Variants in ARFGAP1 observed in about 807,000 individuals in gnomAD.
ARFGAP1 encodes the protein ADP-ribosylation factor GTPase-activating protein 1.
Under a neutral mutation model 54.0 loss-of-function variants are expected in ARFGAP1, and 26 were observed. The observed-to-expected ratio is 0.48, with a 90% confidence interval of 0.35 to 0.67. The LOEUF is 0.67. Ranked by LOEUF, ARFGAP1 falls within the 30% of genes least tolerant of loss-of-function variation. The pLI, the probability that ARFGAP1 is intolerant of heterozygous loss-of-function variation, is 0.00. For synonymous variants in ARFGAP1, 248 were observed against 211.9 expected (o/e 1.17, Z -1.48); for missense variants, 525 against 535.8 (o/e 0.98, Z 0.20).
At chr20:63,283,201 T>C in intron 9 of ARFGAP1, 1 of 412,192 alleles carries the variant, frequency 2.4e-6, no homozygotes, top group Non-Finnish European at 4.4e-6. Context: ...GCCGCTGTGG[T>C]TGGTGCTGTG....
intron 6 of ARFGAP1, among the ~76,000 whole-genome samples, 172 bp from the exon 7 acceptor site, chr20:63,278,727 G>A (rs976371824): frequency 1.4e-5 from 2 of 139,160 alleles, no homozygotes; most frequent in African/African-American, 4.9e-5. Flanking sequence ...CTTTTTAAAT[G>A]ATCAGAAAGC....
At position 63,281,141 on chromosome 20, in the gene ARFGAP1, A is replaced by C; in HGVS notation, c.628-150A>C. 4.1e-6 allele frequency: 3 copies of C among 738,704 alleles called. No individual in the cohort carries two copies. The South Asian group carries it at 5.5e-5, about 13-fold the overall frequency. The allele number at this position is 738,704 out of a possible 1,614,324, so 45.8% of individuals were successfully genotyped here. ...CTGGGTCCAGTTGCACTCCTCCAGC[A>C]GCCTGGAGAAGCAGGCGCGGTGGGG... is the stretch of plus-strand genomic sequence containing the variant. On this transcript the variant is annotated intron_variant, in intron 7 of 12. Coordinates refer to ENST00000370283, the MANE Select transcript of ARFGAP1 (RefSeq NM_018209.4).
chr20:63,277,201 T>A lies in ARFGAP1; in HGVS notation c.343-4T>A. ...CTCTCGAATGCCCTGTGTCTCCTTG[T>A]CAGGTGGTCGCTCTGGCCGAAGGCA... On this transcript the variant is annotated splice_polypyrimidine_tract_variant and splice_region_variant and intron_variant, in intron 4 of 12. Transcript: ENST00000370283. The A allele has an allele frequency of 6.2e-7, 1 of 1,611,306 alleles. No individual in the cohort carries two copies. Among genetic ancestry groups the A allele is most frequent in the Non-Finnish European group, 8.5e-7 (1 of 1,179,518 alleles).
chr20:63,282,329 A>G lies in ARFGAP1; in HGVS notation c.685-490A>G, dbSNP rs145907885. Among the ~76,000 whole-genome samples, 864 of 152,356 alleles carry G rather than the reference A, an allele frequency of 5.7e-3. 7 individuals carry two copies. The highest frequency in any genetic ancestry group is 0.014 in the Middle Eastern group (4 of 294). On this transcript the variant is annotated intron_variant, in intron 8 of 12. Transcript: ENST00000370283. The stretch of plus-strand genomic sequence containing the variant: ...GGGGAGGCCCAGGTACCTTCCAGCC[A>G]GAGTGTCACGACCGGGCCTTTTCTC...
At chr20:63,284,254 G>A (rs1283571314) in intron 9 of ARFGAP1, 3 of 1,161,536 alleles carry the variant, frequency 2.6e-6, no homozygotes, top group Non-Finnish European at 3.2e-6. Flanking sequence ...CTTGAACGCA[G>A]TGCAAAGGGG....
chr20:63,288,074 G>T lies in ARFGAP1; in HGVS notation c.*201G>T. Reference sequence around the variant, plus strand: ...CTTCGGTGCGTGGGGGCGGCTTGCTGTCCAGCCTGTGTGGGGGCCGTCCCG... The same window carrying T: ...CTTCGGTGCGTGGGGGCGGCTTGCTTTCCAGCCTGTGTGGGGGCCGTCCCG... On this transcript the variant is annotated 3_prime_UTR_variant, in exon 13 of 13. Coordinates refer to ENST00000370283, the MANE Select transcript of ARFGAP1 (RefSeq NM_018209.4). 1.5e-6 allele frequency: 1 copy of T among 654,094 alleles called. No homozygotes were observed. The highest frequency in any genetic ancestry group is 2.6e-6 in the Non-Finnish European group (1 of 385,654). 40.5% of individuals were successfully genotyped at this position (654,094 alleles called of 1,614,324 possible). A position where few individuals can be genotyped will look rare whatever the true frequency, so the allele number is the denominator to read the frequency against.
Position 63,278,908 on chromosome 20 carries a change from G to A in ARFGAP1, c.540G>A (p.Gly180=), listed in dbSNP as rs758164510. ...DDLGSYQGAQ[G]NRYVGFGNTP... ...TCCGCTTTGTTTTCAGGGCCCAGGG[G>A]AATCGCTACGTGGGGTTTGGGAACA... is the stretch of plus-strand genomic sequence containing the variant. The change falls in exon 7 of 13, where the codon GGG becomes GGA. Residue 180 remains glycine, a synonymous_variant. Coordinates refer to ENST00000370283, the MANE Select transcript of ARFGAP1 (RefSeq NM_018209.4). 2 of 1,614,028 alleles carry A rather than the reference G, an allele frequency of 1.2e-6. No homozygotes were observed. The highest frequency in any genetic ancestry group is 2.2e-5 in the East Asian group (1 of 44,898).
At chr20:63,283,329 T>C (rs1490094746) in intron 9 of ARFGAP1, 2 of 196,474 alleles carry the variant, frequency 1.0e-5, no homozygotes, top group Admixed American at 1.1e-4. Flanking sequence ...TTTTATTCTT[T>C]AGGATGTGGG....
At chr20:63,274,779 A>G (rs1196842126) in intron 1 of ARFGAP1, among the ~76,000 whole-genome samples, 2 of 152,112 alleles carry the variant, frequency 1.3e-5, no homozygotes, top group African/African-American at 2.4e-5. Flanking sequence ...AATCTTAACT[A>G]TATCAATTTT....
rs375368552 is a variant in ARFGAP1, at chr20:63,286,337, G to C, written c.835-29G>C. On this transcript the variant is annotated intron_variant, in intron 11 of 12. Transcript: ENST00000370283. ...AGCTGCCTGTGCCGCGACAGGGCCT[G>C]CCTAACCTCTCTTCCCGTCTCCTTC... is the stretch of plus-strand genomic sequence containing the variant. The C allele has an allele frequency of 3.1e-6, 5 of 1,611,570 alleles. No individual in the cohort carries two copies. In the African/African-American group the frequency reaches 6.7e-5, roughly 22 times the overall value.
At chr20:63,279,571 C>T (rs1040292649) in intron 7 of ARFGAP1, among the ~76,000 whole-genome samples, 2 of 152,146 alleles carry the variant, frequency 1.3e-5, no homozygotes, top group Admixed American at 6.5e-5. Flanking sequence ...TCCAAGGAAC[C>T]CAAGGACTCT....
chr20:63,283,021 C>A, intron 9 of ARFGAP1, 170 bp downstream of exon 9: 1 of 721,246 alleles, frequency 1.4e-6, no homozygotes, highest in Non-Finnish European at 2.3e-6. Flanking sequence ...CCTCCTCATG[C>A]CCGGGTGGCT....
At chr20:63,286,147 A>T (rs533273847) in intron 11 of ARFGAP1, 1 of 1,550,238 alleles carries the variant, frequency 6.5e-7, no homozygotes, top group African/African-American at 1.4e-5. Flanking sequence ...AGGTCTGTGC[A>T]CGAGGCTGTC....
chr20:63,276,871 G>A lies in ARFGAP1; in HGVS notation c.342+220G>A. 1 of 574,500 alleles carries A rather than the reference G, an allele frequency of 1.7e-6. No homozygotes were observed. The highest frequency in any genetic ancestry group is 3.0e-6 in the Non-Finnish European group (1 of 328,832). The allele number at this position is 574,500 out of a possible 1,614,324, so 35.6% of individuals were successfully genotyped here. On this transcript the variant is annotated intron_variant, in intron 4 of 12. Coordinates refer to ENST00000370283, the MANE Select transcript of ARFGAP1 (RefSeq NM_018209.4). The surrounding 1 kb of genome is among the most constrained non-coding windows in gnomAD (Gnocchi z 5.2). The stretch of plus-strand genomic sequence containing the variant: ...AGACAGACCTTCCCCGCCTCCAGGG[G>A]AGAAAGCAGCTGTGACCGTTTATTG...
intron 8 of ARFGAP1, among the ~76,000 whole-genome samples, chr20:63,282,143 C>T (rs1010928700): frequency 6.6e-6 from 1 of 152,164 alleles, no homozygotes; most frequent in African/African-American, 2.4e-5. Flanking sequence ...ACTCTGGCCC[C>T]GTGTCTTCCC....
chr20:63,285,867 C>T (rs1467283266), intron 11 of ARFGAP1, 154 bp downstream of exon 11: 2 of 1,430,040 alleles, frequency 1.4e-6, no homozygotes, highest in Non-Finnish European at 1.9e-6. Context: ...CCCAGCCTGA[C>T]AGCCCGAGGG....
At chr20:63,286,538 G>A (rs2067556909) in intron 12 of ARFGAP1, 96 bp downstream of exon 12, 1 of 1,246,050 alleles carries the variant, frequency 8.0e-7, no homozygotes, top group Non-Finnish European at 1.1e-6. Context: ...TCCTTGCTGG[G>A]GAGGGAAGGG....
At chr20:63,283,626 T>C (rs572581207) in intron 9 of ARFGAP1, 15 of 480,848 alleles carry the variant, frequency 3.1e-5, no homozygotes, top group Non-Finnish European at 5.1e-5. Context: ...TCTGGCTTTT[T>C]CGTGGGCCTC....
chr20:63,286,872 C>T (rs1418212581), intron 12 of ARFGAP1: 1 of 188,578 alleles, frequency 5.3e-6, no homozygotes, highest in African/African-American at 2.4e-5. Flanking sequence ...GGCCAGGGGA[C>T]AGGAAGGCTA....
Sources: allele counts gnomAD v4.1 joint callset (sites outside exome capture counted in the v4.1 genomes callset), GRCh38; gene constraint gnomAD v4.1.1; non-coding constraint Gnocchi (gnomAD v3.1); transcripts MANE v1.5; gene names NCBI Gene and HGNC (gene_info 2026-07-23, HGNC 2026-07-21).